Variants in ZNF233 observed in about 807,000 individuals in gnomAD.
The protein encoded by ZNF233 is zinc finger protein 233.
In ZNF233, 7 loss-of-function variants were observed where a neutral mutation model predicts 11.6. The ratio of observed to expected loss-of-function variants is 0.60; its 90% confidence interval spans 0.34 to 1.13. The LOEUF (loss-of-function observed/expected upper bound fraction) is 1.13. Among genes scored for constraint, ZNF233 ranks in the 50% most tolerant of loss-of-function variants. The pLI is 0.03. For synonymous variants in ZNF233, 226 were observed against 268.5 expected (o/e 0.84, Z 1.55); for missense variants, 711 against 785.5 (o/e 0.91, Z 1.13).
At chr19:44,260,509 G>A (rs558502774) in intron 1 of ZNF233, among the ~76,000 whole-genome samples, 2 of 152,136 alleles carry the variant, frequency 1.3e-5, no homozygotes, top group African/African-American at 4.8e-5. Flanking sequence ...TTCCTAACGT[G>A]GGGGGACGGG....
At chr19:44,267,173 C>CA (rs1568634294) in intron 4 of ZNF233, 1 of 437,038 alleles carries the variant, frequency 2.3e-6, no homozygotes, top group Non-Finnish European at 4.1e-6. Context: ...CTCCTTGGCT[C>CA]AAAAGCCTTC....
intron 3 of ZNF233, 23 bp from the exon 4 acceptor site, chr19:44,266,843 T>C (rs759289526): frequency 1.9e-6 from 3 of 1,584,882 alleles, no homozygotes; most frequent in Admixed American, 3.4e-5. Context: ...TCACTTTATA[T>C]ATATGCCATT....
chr19:44,265,126 C>G (rs1342519537), intron 2 of ZNF233, among the ~76,000 whole-genome samples: 23 of 152,092 alleles, frequency 1.5e-4, no homozygotes, highest in Admixed American at 1.5e-3. Context: ...GAGGCATCCT[C>G]TGTTATCCCT....
intron 1 of ZNF233, 169 bp downstream of exon 1, chr19:44,260,107 G>T (rs569029770): frequency 3.9e-5 from 10 of 258,946 alleles, no homozygotes; most frequent in Non-Finnish European, 8.0e-5. Flanking sequence ...GTTGGGAATG[G>T]CTCCTGGTCG....
chr19:44,267,685 A>G, intron 4 of ZNF233: 1 of 340,864 alleles, frequency 2.9e-6, no homozygotes, highest in Non-Finnish European at 5.2e-6. Context: ...CCCGGCATAC[A>G]TGTATTTCTT....
In ZNF233 at chr19:44,274,603, A is replaced by G; in HGVS notation, c.1943A>G (p.Tyr648Cys). The change falls in exon 5 of 5, where the codon TAC becomes TGC. Residue 648 changes from tyrosine (Y) to cysteine (C), a missense_variant. Coordinates refer to ENST00000683810, the MANE Select transcript of ZNF233 (RefSeq NM_001207005.2). ...HQRVHTGEKP[Y>C]KCFVCGKGFS... ...AGAGTCCATACTGGAGAGAAACCAT[A>G]CAAATGTTTTGTGTGTGGTAAGGGC... 1 of 1,613,002 alleles carries G rather than the reference A, an allele frequency of 6.2e-7. No individual in the cohort carries two copies. The highest frequency in any genetic ancestry group is 1.1e-5 in the South Asian group (1 of 91,044).
chr19:44,270,555 A>C (rs1343016933), intron 4 of ZNF233, among the ~76,000 whole-genome samples: 1 of 152,030 alleles, frequency 6.6e-6, no homozygotes, highest in African/African-American at 2.4e-5. Context: ...CCTTAAAACA[A>C]TGAACATTGG....
chr19:44,273,242 T>C lies in ZNF233; in HGVS notation c.582T>C (p.Tyr194=), dbSNP rs148348903. The C allele has an allele frequency of 2.5e-6, 4 of 1,613,906 alleles. No homozygotes were observed. In the South Asian group the frequency reaches 3.3e-5, roughly 13 times the overall value. ...TGTATCTGAGAGAACCACAGAATTA[T>C]CAGAGTAGGTGTCAGCAAATTGATG... ...RKMYLREPQN[Y]QSRCQQIDVK... The change falls in exon 5 of 5, where the codon TAT becomes TAC. Residue 194 remains tyrosine, a synonymous_variant. Transcript: ENST00000683810.
intron 4 of ZNF233, among the ~76,000 whole-genome samples, chr19:44,269,443 A>C (rs958875214): frequency 1.3e-4 from 19 of 151,978 alleles, no homozygotes; most frequent in African/African-American, 4.3e-4. Flanking sequence ...CTATAGGCGC[A>C]TGCCACCACA....
At chr19:44,265,366 TACACACACACACACACACACAC>T (rs67044027) in intron 2 of ZNF233, among the ~76,000 whole-genome samples, 280 of 133,194 alleles carry the variant, frequency 2.1e-3, no homozygotes, top group African/African-American at 8.1e-3. Context: ...CATATATATA[TACACACACACACACACACACAC>T]ACACACACAC....
intron 4 of ZNF233, 31 bp downstream of exon 4, chr19:44,266,992 G>C: frequency 6.4e-7 from 1 of 1,568,416 alleles, no homozygotes; most frequent in South Asian, 1.1e-5. Context: ...AGTCTTTGCG[G>C]GGTACAGCCT....
intron 1 of ZNF233, among the ~76,000 whole-genome samples, chr19:44,263,240 T>C (rs552802579): frequency 2.0e-5 from 3 of 152,328 alleles, no homozygotes; most frequent in Non-Finnish European, 4.4e-5. Flanking sequence ...CAATGTTAGG[T>C]TGTACAACCA....
intron 4 of ZNF233, among the ~76,000 whole-genome samples, chr19:44,269,509 T>C (rs1975184531): frequency 6.6e-6 from 1 of 152,154 alleles, no homozygotes; most frequent in Non-Finnish European, 1.5e-5. Flanking sequence ...TTGGCCAGGA[T>C]GGTCTCTATC....
intron 4 of ZNF233, among the ~76,000 whole-genome samples, chr19:44,268,945 C>A (rs1055848548): frequency 6.6e-6 from 1 of 152,076 alleles, no homozygotes; most frequent in Non-Finnish European, 1.5e-5. Flanking sequence ...AAAAGCAAAC[C>A]AAAAGCCCAG....
intron 2 of ZNF233, 105 bp from the exon 3 acceptor site, chr19:44,266,093 C>A (rs1275022861): frequency 2.3e-6 from 3 of 1,289,456 alleles, no homozygotes; most frequent in Non-Finnish European, 2.0e-6. Context: ...GAGGCCCTCA[C>A]AATCCAGAAC....
In ZNF233 at chr19:44,261,072, TG is replaced by T. The variant is rs368593027; in HGVS notation, c.-48+1137del. Among the ~76,000 whole-genome samples, 586 of 152,294 alleles carry T rather than the reference TG, an allele frequency of 3.8e-3. 3 individuals carry two copies. The highest frequency in any genetic ancestry group is 0.013 in the African/African-American group (554 of 41,562). On this transcript the variant is annotated intron_variant, in intron 1 of 4. Transcript: ENST00000683810. ...TAAAACAACAGGAAAGAGCCTGAACTGGGAGTTTGAGCTCAGGCTGAGCTCA... is the reference window on the plus strand; with the variant it reads ...TAAAACAACAGGAAAGAGCCTGAACTGGAGTTTGAGCTCAGGCTGAGCTCA...
In ZNF233 at chr19:44,274,184, C is replaced by T. The variant is rs543767651; in HGVS notation, c.1524C>T (p.Tyr508=). The T allele has an allele frequency of 1.9e-6, 3 of 1,613,906 alleles. No individual in the cohort carries two copies. In the African/African-American group the frequency reaches 4.0e-5, roughly 22 times the overall value. The change falls in exon 5 of 5, where the codon TAC becomes TAT. Residue 508 remains tyrosine, a synonymous_variant. Coordinates refer to ENST00000683810, the MANE Select transcript of ZNF233 (RefSeq NM_001207005.2). The part of the protein sequence containing the change: ...HQRVHTGEKP[Y]KCDTCGKDFS... ...GAGTCCATACAGGAGAGAAACCCTA[C>T]AAATGTGACACATGTGGGAAGGACT...
intron 2 of ZNF233, among the ~76,000 whole-genome samples, chr19:44,265,488 C>T (rs1975058184): frequency 6.6e-6 from 1 of 151,692 alleles, no homozygotes; most frequent in African/African-American, 2.4e-5. Context: ...TGGCGCGATC[C>T]TGGCTCACTG....
intron 2 of ZNF233, among the ~76,000 whole-genome samples, chr19:44,265,360 TATATATAC>T (rs1209629126): frequency 3.7e-4 from 16 of 43,096 alleles, no homozygotes; most frequent in African/African-American, 1.2e-3. Flanking sequence ...TTCCATCATA[TATATATAC>T]ACACACACAC....
Sources: allele counts gnomAD v4.1 joint callset (sites outside exome capture counted in the v4.1 genomes callset), GRCh38; gene constraint gnomAD v4.1.1; transcripts MANE v1.5; gene names NCBI Gene and HGNC (gene_info 2026-07-23, HGNC 2026-07-21).